Variants in PARP1 observed in about 807,000 individuals in gnomAD.
The protein encoded by PARP1 is poly(ADP-ribose) polymerase 1.
PARP1 carries 44 observed loss-of-function variants against 118.7 expected under a neutral mutation model. The observed-to-expected ratio is 0.37, with a 90% confidence interval of 0.29 to 0.48. The LOEUF is 0.48. Among genes scored for constraint, PARP1 ranks in the 20% least tolerant of loss-of-function variants. The pLI is 0.99. For synonymous variants in PARP1, 492 were observed against 483.2 expected (o/e 1.02, Z -0.24); for missense variants, 1,100 against 1,272.4 (o/e 0.86, Z 2.06).
In PARP1 at chr1:226,390,494, G is replaced by A. The variant is rs202057244; in HGVS notation, c.533C>T (p.Ala178Val). The stretch of plus-strand genomic sequence containing the variant: ...GAGGCTGAAGCCCTTGAGCTGACTC[G>A]CACTGTACTCGGGCCGGAAACCCAG... ...EELGFRPEYS[A>V]SQLKGFSLLA... Residue 178 changes from alanine (A) to valine (V), a missense_variant, in exon 4 of 23, where the codon GCG becomes GTG. Around this residue, in one of 2 missense-constraint regions of PARP1, gnomAD observed 948 missense variants for 1,031.8 expected, o/e 0.92. Coordinates refer to ENST00000366794, the MANE Select transcript of PARP1 (RefSeq NM_001618.4). 1.3e-5 allele frequency: 21 copies of A among 1,614,118 alleles called. No individual in the cohort carries two copies. Among genetic ancestry groups the A allele is most frequent in the Admixed American group, 6.7e-5 (4 of 60,018 alleles).
intron 19 of PARP1, 69 bp from the exon 20 acceptor site, chr1:226,364,139 G>A: frequency 2.0e-6 from 3 of 1,504,704 alleles, no homozygotes; most frequent in Non-Finnish European, 2.8e-6. Flanking sequence ...TTCACTGAGT[G>A]CCAACTTGAG....
chr1:226,396,533 CAT>C (rs1035575297), intron 2 of PARP1, among the ~76,000 whole-genome samples: 1 of 151,948 alleles, frequency 6.6e-6, no homozygotes, highest in Non-Finnish European at 1.5e-5. Flanking sequence ...AGATATCCCA[CAT>C]GTTAATAAGT....
At chr1:226,386,046 G>T (rs1664710704) in intron 6 of PARP1, among the ~76,000 whole-genome samples, 1 of 152,174 alleles carries the variant, frequency 6.6e-6, no homozygotes. Context: ...CACCCCTCAG[G>T]AGGGGGCTCT....
chr1:226,403,055 C>T (rs770235462), intron 1 of PARP1, among the ~76,000 whole-genome samples: 20 of 152,200 alleles, frequency 1.3e-4, no homozygotes, highest in Non-Finnish European at 1.3e-4. Flanking sequence ...GCTCACTGGC[C>T]TTCTGGGGCG....
Position 226,390,671 on chromosome 1 carries a change from T to G in PARP1, c.403-47A>C, listed in dbSNP as rs367616962. The G allele has an allele frequency of 1.4e-4, 215 of 1,558,288 alleles. 3 individuals carry two copies. In the South Asian group the frequency reaches 2.3e-3, roughly 17 times the overall value. Reference sequence around the variant, plus strand: ...GTACCAAGGGAGCGACAAGCAAGGATAGTGAACATGATACGGGCAGCCTGT... The same window carrying G: ...GTACCAAGGGAGCGACAAGCAAGGAGAGTGAACATGATACGGGCAGCCTGT... On this transcript the variant is annotated intron_variant, in intron 3 of 22. Transcript: ENST00000366794.
At chr1:226,373,702 A>T (rs1109032) in intron 14 of PARP1, among the ~76,000 whole-genome samples, 33,066 of 152,102 alleles carry the variant, frequency 0.22, 4,218 homozygotes, top group African/African-American at 0.34. Flanking sequence ...CGTCACAGCA[A>T]TTTTCTTTTA....
intron 2 of PARP1, among the ~76,000 whole-genome samples, chr1:226,396,701 A>C (rs986726613): frequency 1.3e-5 from 2 of 152,154 alleles, no homozygotes; most frequent in African/African-American, 4.8e-5. Context: ...TTTTCAGTAA[A>C]ATCATTATGC....
chr1:226,364,423 G>C (rs1341958608), intron 19 of PARP1: 1 of 345,706 alleles, frequency 2.9e-6, no homozygotes, highest in Non-Finnish European at 5.7e-6. Context: ...ATGCAGGCTG[G>C]TATTTTTATT....
chr1:226,365,911 C>T, intron 18 of PARP1, 43 bp downstream of exon 18: 1 of 1,319,422 alleles, frequency 7.6e-7, no homozygotes, highest in Non-Finnish European at 1.1e-6. Context: ...CAGGGAAGAG[C>T]TGGCAGGACA....
chr1:226,406,771 A>C (rs2102749531), intron 1 of PARP1, among the ~76,000 whole-genome samples: 1 of 152,334 alleles, frequency 6.6e-6, no homozygotes, highest in African/African-American at 2.4e-5. Flanking sequence ...TGACAGGCAT[A>C]TTGTGAAATA....
intron 2 of PARP1, among the ~76,000 whole-genome samples, chr1:226,401,086 A>G (rs1380722142): frequency 1.3e-5 from 2 of 152,226 alleles, no homozygotes; most frequent in Non-Finnish European, 2.9e-5. Flanking sequence ...ACCTGTACTA[A>G]GACATGGGAG....
chr1:226,361,614 G>T, intron 22 of PARP1, 73 bp from the exon 23 acceptor site: 1 of 1,108,146 alleles, frequency 9.0e-7, no homozygotes, highest in Non-Finnish European at 1.4e-6. Context: ...TCTCCCCCAG[G>T]CTGGCAGGAC....
chr1:226,406,586 C>G (rs985803572), intron 1 of PARP1, among the ~76,000 whole-genome samples: 4 of 152,190 alleles, frequency 2.6e-5, no homozygotes, highest in African/African-American at 9.7e-5. Context: ...GGCATCCATC[C>G]TCTCTTACGG....
intron 20 of PARP1, 140 bp downstream of exon 20, chr1:226,363,803 T>A (rs1664199793): frequency 1.1e-6 from 1 of 893,480 alleles, no homozygotes; most frequent in Non-Finnish European, 1.8e-6. Flanking sequence ...TTCTGCTACT[T>A]ATAAGAAAAG....
intron 22 of PARP1, 102 bp from the exon 23 acceptor site, chr1:226,361,643 A>C: frequency 1.2e-6 from 1 of 852,208 alleles, no homozygotes; most frequent in Non-Finnish European, 2.0e-6. Context: ...CCAGCCTGAA[A>C]GTCACTCTAA....
At chr1:226,381,374 T>C (rs1210101734) in intron 8 of PARP1, among the ~76,000 whole-genome samples, 166 bp from the exon 9 acceptor site, 1 of 152,160 alleles carries the variant, frequency 6.6e-6, no homozygotes, top group Non-Finnish European at 1.5e-5. Context: ...CCTGAGTACC[T>C]ACAGATGTCC....
intron 2 of PARP1, among the ~76,000 whole-genome samples, chr1:226,398,638 G>A (rs1359901517): frequency 6.6e-6 from 1 of 151,936 alleles, no homozygotes; most frequent in Admixed American, 6.6e-5. Flanking sequence ...ACAGTATTAG[G>A]GAAATGCAAA....
At chr1:226,407,414 T>A (rs890655396) in intron 1 of PARP1, among the ~76,000 whole-genome samples, 3 of 149,002 alleles carry the variant, frequency 2.0e-5, no homozygotes, top group African/African-American at 7.4e-5. Context: ...CCACCATCCA[T>A]GTAGAACAAA....
intron 2 of PARP1, among the ~76,000 whole-genome samples, chr1:226,401,167 CAG>C (rs1436891180): frequency 7.2e-5 from 11 of 152,242 alleles, no homozygotes; most frequent in Non-Finnish European, 1.2e-4. Flanking sequence ...GAGGGATAAA[CAG>C]GGGATTTTTA....
Sources: allele counts gnomAD v4.1 joint callset (sites outside exome capture counted in the v4.1 genomes callset), GRCh38; gene constraint gnomAD v4.1.1; regional missense constraint gnomAD v4.1.1; transcripts MANE v1.5; gene names NCBI Gene and HGNC (gene_info 2026-07-23, HGNC 2026-07-21).